The following NKAIN2 variants were observed in gnomAD, a reference collection of about 807,000 sequenced individuals.
NKAIN2 encodes sodium/potassium transporting ATPase interacting 2.
In NKAIN2, 14 loss-of-function variants were observed where a neutral mutation model predicts 32.6. The ratio of observed to expected loss-of-function variants is 0.43; its 90% confidence interval spans 0.28 to 0.67. The LOEUF (loss-of-function observed/expected upper bound fraction) is 0.67, where lower values mean the gene tolerates loss of function less well. Among genes scored for constraint, NKAIN2 ranks in the 30% least tolerant of loss-of-function variants. The pLI is 0.17. For missense variants in NKAIN2, 198 were observed against 258.3 expected (o/e 0.77, Z 1.60); for synonymous variants, 80 against 87.2 (o/e 0.92, Z 0.46).
intron 3 of NKAIN2, among the ~76,000 whole-genome samples, chr6:124,451,886 T>A (rs1776122148): frequency 6.6e-6 from 1 of 151,968 alleles, no homozygotes; most frequent in African/African-American, 2.4e-5. Flanking sequence ...TCCTAGATGA[T>A]CTCTTAAAAT....
At chr6:124,782,712 G>T (rs1361449148) in intron 4 of NKAIN2, among the ~76,000 whole-genome samples, 1 of 152,030 alleles carries the variant, frequency 6.6e-6, no homozygotes, top group Non-Finnish European at 1.5e-5. Context: ...TGTACCATTT[G>T]CTCCCCAAAG....
At chr6:124,535,673 A>G (rs1471702520) in intron 3 of NKAIN2, among the ~76,000 whole-genome samples, 1 of 152,228 alleles carries the variant, frequency 6.6e-6, no homozygotes, top group Non-Finnish European at 1.5e-5. Flanking sequence ...GTCTGTTTAC[A>G]CTGAAAAGTA....
intron 3 of NKAIN2, among the ~76,000 whole-genome samples, chr6:124,469,822 C>T (rs1776903460): frequency 6.6e-6 from 1 of 152,072 alleles, no homozygotes; most frequent in African/African-American, 2.4e-5. Flanking sequence ...AGTTGTGGAC[C>T]CTGCACTGGC....
intron 5 of NKAIN2, among the ~76,000 whole-genome samples, chr6:124,817,306 ATTC>A (rs1204600637): frequency 2.6e-5 from 4 of 151,936 alleles, no homozygotes; most frequent in Admixed American, 6.6e-5. Flanking sequence ...ACCCAAGACA[ATTC>A]TTCTTCTTCT....
intron 3 of NKAIN2, among the ~76,000 whole-genome samples, chr6:124,583,472 G>C (rs895365867): frequency 5.9e-5 from 9 of 151,916 alleles, no homozygotes; most frequent in African/African-American, 2.2e-4. Context: ...AAATTGAAAA[G>C]AATACAAAAA....
intron 1 of NKAIN2, among the ~76,000 whole-genome samples, chr6:124,015,010 G>T (rs1780497157): frequency 6.6e-6 from 1 of 151,952 alleles, no homozygotes; most frequent in African/African-American, 2.4e-5. Flanking sequence ...ACGTTTTTAG[G>T]GATGGATGTT....
At chr6:124,536,999 A>G (rs1025451617) in intron 3 of NKAIN2, among the ~76,000 whole-genome samples, 1 of 152,166 alleles carries the variant, frequency 6.6e-6, no homozygotes, top group Non-Finnish European at 1.5e-5. Flanking sequence ...AACCCAACCC[A>G]ACTAATGTAA....
At chr6:124,573,887 G>A (rs118180725) in intron 3 of NKAIN2, among the ~76,000 whole-genome samples, 2,014 of 152,254 alleles carry the variant, frequency 0.013, 20 homozygotes, top group Non-Finnish European at 0.019. Flanking sequence ...AAAACCACTT[G>A]TGTATTCCAG....
chr6:124,555,972 T>C (rs1180409758), intron 3 of NKAIN2, among the ~76,000 whole-genome samples: 1 of 152,124 alleles, frequency 6.6e-6, no homozygotes, highest in East Asian at 1.9e-4. Context: ...TAGTTTAACC[T>C]TTACTGAGTT....
chr6:124,535,253 A>AT (rs1275637413), intron 3 of NKAIN2, among the ~76,000 whole-genome samples: 2 of 152,196 alleles, frequency 1.3e-5, no homozygotes, highest in African/African-American at 2.4e-5. Context: ...TATTCAATCT[A>AT]TTTTTTTATC....
At chr6:123,966,295 T>C (rs1299024399) in intron 1 of NKAIN2, among the ~76,000 whole-genome samples, 1 of 152,182 alleles carries the variant, frequency 6.6e-6, no homozygotes, top group Non-Finnish European at 1.5e-5. Flanking sequence ...AACCTTGCCT[T>C]CCCTCCTGCA....
chr6:124,273,443 G>C (rs1794892619), intron 1 of NKAIN2, among the ~76,000 whole-genome samples: 1 of 152,132 alleles, frequency 6.6e-6, no homozygotes, highest in Non-Finnish European at 1.5e-5. Context: ...TCCCAGACAT[G>C]CAGAATTGTG....
At chr6:124,261,162 T>C (rs975127332) in intron 1 of NKAIN2, among the ~76,000 whole-genome samples, 3 of 152,212 alleles carry the variant, frequency 2.0e-5, no homozygotes, top group Admixed American at 2.0e-4. Flanking sequence ...GCCAAAAATG[T>C]CATCTAAAAA....
intron 3 of NKAIN2, among the ~76,000 whole-genome samples, chr6:124,447,094 C>G (rs1233186449): frequency 6.6e-6 from 1 of 152,084 alleles, no homozygotes; most frequent in Non-Finnish European, 1.5e-5. Context: ...CACATTAAAC[C>G]TCTTGTCATT....
intron 1 of NKAIN2, among the ~76,000 whole-genome samples, chr6:124,184,967 G>A (rs1435046548): frequency 1.3e-5 from 2 of 151,868 alleles, no homozygotes; most frequent in Non-Finnish European, 1.5e-5. Flanking sequence ...TTAGTTGGAA[G>A]AACAAATGGA....
intron 1 of NKAIN2, among the ~76,000 whole-genome samples, chr6:123,831,802 C>T (rs1298102528): frequency 6.6e-6 from 1 of 152,000 alleles, no homozygotes; most frequent in Non-Finnish European, 1.5e-5. Context: ...ACTACAGGTG[C>T]CTGCTACCAC....
intron 3 of NKAIN2, among the ~76,000 whole-genome samples, chr6:124,519,938 T>A (rs192156528): frequency 1.6e-4 from 24 of 152,264 alleles, no homozygotes; most frequent in Non-Finnish European, 4.4e-5. Context: ...ACAGTCATGA[T>A]CTCAATTAAT....
At chr6:124,404,557 G>A (rs1477789109) in intron 3 of NKAIN2, among the ~76,000 whole-genome samples, 1 of 151,780 alleles carries the variant, frequency 6.6e-6, no homozygotes, top group Non-Finnish European at 1.5e-5. Flanking sequence ...TTTTTTAGAG[G>A]CACTCAGTAA....
chr6:124,183,536 T>G (rs1265025122), intron 1 of NKAIN2, among the ~76,000 whole-genome samples: 2 of 152,120 alleles, frequency 1.3e-5, no homozygotes, highest in East Asian at 3.9e-4. Context: ...AGATATATGT[T>G]TATATTTAGT....
Sources: gnomAD v4.1 joint callset for allele counts (sites outside exome capture counted in the v4.1 genomes callset) on GRCh38, gnomAD v4.1.1 for gene constraint, MANE v1.5 for transcripts, NCBI Gene and HGNC (gene_info 2026-07-23, HGNC 2026-07-21) for gene names.